PRKCZ: variants seen among roughly 807,000 people sequenced by gnomAD.
The protein encoded by PRKCZ is protein kinase C zeta type.
A neutral mutation model predicts 79.5 loss-of-function variants in PRKCZ; 33 were observed. The ratio of observed to expected loss-of-function variants is 0.41; its 90% CI spans 0.31 to 0.55. PRKCZ has a LOEUF of 0.55. Ranked by LOEUF, PRKCZ falls within the 20% of genes least tolerant of loss-of-function variation. PRKCZ has a pLI of 0.19. For synonymous variants in PRKCZ, 342 were observed against 320.9 expected, an observed-to-expected ratio of 1.07 and a Z score of -0.70; for missense variants, 578 against 813.5, an observed-to-expected ratio of 0.71 and a Z score of 3.52.
upstream of PRKCZ, among the ~76,000 whole-genome samples, chr1:2,048,841 A>T (rs1166647815): frequency 2.0e-5 from 3 of 152,214 alleles, no homozygotes; most frequent in Non-Finnish European, 4.4e-5. Flanking sequence ...GAGCCTTCCC[A>T]GGAGGGGTCT....
At chr1:2,049,331 G>C (rs904011877), upstream of PRKCZ, 1 of 152,300 alleles carries the variant, frequency 6.6e-6, no homozygotes, top group Non-Finnish European at 1.5e-5. Context: ...GGTGGAGGGA[G>C]GGGCAAACGG....
At chr1:2,121,436 T>G (rs188906040) in intron 4 of PRKCZ, among the ~76,000 whole-genome samples, 2 of 139,122 alleles carry the variant, frequency 1.4e-5, no homozygotes, top group Non-Finnish European at 3.2e-5. Flanking sequence ...TGACAGGTAG[T>G]TAGAGTCATG....
chr1:2,182,309 C>G (rs1686755366), intron 16 of PRKCZ: 1 of 169,032 alleles, frequency 5.9e-6, no homozygotes, highest in African/African-American at 2.4e-5. Context: ...CTGCATTTTC[C>G]TGCCAAGCAG....
chr1:2,112,191 A>G (rs1669874150), intron 4 of PRKCZ, among the ~76,000 whole-genome samples: 1 of 152,138 alleles, frequency 6.6e-6, no homozygotes, highest in African/African-American at 2.4e-5. Flanking sequence ...TCTGCCTAGA[A>G]GGCAAAAAAC....
At position 2,059,330 on chromosome 1, in the gene PRKCZ, C is replaced by CT. The variant is rs751597858; in HGVS notation, c.284-210dup. Among the ~76,000 whole-genome samples, 8 of 152,236 alleles carry CT rather than the reference C, an allele frequency of 5.3e-5. No homozygotes were observed. The East Asian group carries it at 7.7e-4, about 15-fold the overall frequency. ...CAGGTCCCTCTGATTGCCTTTTACT[C>CT]TAAGTTTTTCCGTGGGTTTTAAAGT... is the stretch of plus-strand genomic sequence containing the variant. On this transcript the variant is annotated intron_variant, in intron 3 of 17. Coordinates refer to ENST00000378567, the MANE Select transcript of PRKCZ (RefSeq NM_002744.6).
chr1:2,091,030 A>G (rs1665405905), intron 4 of PRKCZ, among the ~76,000 whole-genome samples: 1 of 152,080 alleles, frequency 6.6e-6, no homozygotes, highest in Non-Finnish European at 1.5e-5. Context: ...GGCCCACTGT[A>G]GTTCTTGTTT....
At chr1:2,089,823 C>T (rs1183873821) in intron 4 of PRKCZ, among the ~76,000 whole-genome samples, 3 of 152,132 alleles carry the variant, frequency 2.0e-5, no homozygotes, top group African/African-American at 4.8e-5. Context: ...CCAGCTACTC[C>T]GGAGGCTGCG....
chr1:2,052,212 C>T (rs571431815), intron 1 of PRKCZ, among the ~76,000 whole-genome samples: 3 of 152,284 alleles, frequency 2.0e-5, no homozygotes, highest in South Asian at 4.1e-4. Flanking sequence ...TGCATTCCGG[C>T]GTCCAATTCC....
chr1:2,138,027 C>T (rs960208749), intron 5 of PRKCZ, among the ~76,000 whole-genome samples: 5 of 152,198 alleles, frequency 3.3e-5, no homozygotes, highest in African/African-American at 7.2e-5. Context: ...GCTCTGATCT[C>T]GCCACCTGCT....
intron 4 of PRKCZ, among the ~76,000 whole-genome samples, chr1:2,077,249 T>C (rs28652946): frequency 0.19 from 29,095 of 152,216 alleles, 3,645 homozygotes; most frequent in East Asian, 0.61. Flanking sequence ...GATGTTATTT[T>C]GAAATAGGGG....
intron 4 of PRKCZ, among the ~76,000 whole-genome samples, chr1:2,070,289 C>A (rs1661461841): frequency 6.6e-6 from 1 of 152,176 alleles, no homozygotes; most frequent in South Asian, 2.1e-4. Flanking sequence ...TAGCAGGCAG[C>A]CCCACCCCAC....
intron 4 of PRKCZ, among the ~76,000 whole-genome samples, chr1:2,124,086 C>T (rs1255502437): frequency 4.8e-4 from 1 of 2,066 alleles, no homozygotes; most frequent in Non-Finnish European, 6.8e-4. Context: ...GTCACGGCGG[C>T]GGTTAGGGTC....
At chr1:2,121,039 C>G (rs1025496854) in intron 4 of PRKCZ, among the ~76,000 whole-genome samples, 4 of 152,056 alleles carry the variant, frequency 2.6e-5, no homozygotes, top group African/African-American at 9.7e-5. Context: ...GTCTCGAACT[C>G]CTGACCTTGG....
chr1:2,108,374 G>A (rs534222558), intron 4 of PRKCZ, among the ~76,000 whole-genome samples: 10 of 152,226 alleles, frequency 6.6e-5, no homozygotes, highest in Non-Finnish European at 1.3e-4. Context: ...ATTGACCTCC[G>A]TGGCTCCTGG....
At chr1:2,184,846 T>G (rs933047502) in intron 17 of PRKCZ, 76 bp from the exon 18 acceptor site, 1 of 1,437,976 alleles carries the variant, frequency 7.0e-7, no homozygotes, top group Non-Finnish European at 9.6e-7. Context: ...AGGATTCTTA[T>G]GCGAACGTGA....
chr1:2,181,729 T>A (rs1686652516), intron 16 of PRKCZ: 1 of 445,748 alleles, frequency 2.2e-6, no homozygotes, highest in Admixed American at 2.4e-5. Context: ...TGGGTCCTGC[T>A]CTGTTCCCAC....
In PRKCZ at chr1:2,115,388, G is replaced by A. The variant is rs574342616; in HGVS notation, c.335-19874G>A. ...GGGCACACCCAGGAGTGGAGTTTCC[G>A]GGAAACAGACGTTTCCCTCGCGTGG... On this transcript the variant is annotated intron_variant, in intron 4 of 17. Transcript: ENST00000378567. 2.6e-5 allele frequency among the ~76,000 whole-genome samples: 4 copies of A among 152,348 alleles called. No individual in the cohort carries two copies. The South Asian group carries it at 6.2e-4, about 24-fold the overall frequency.
In PRKCZ at chr1:2,174,120, GC is replaced by G; in HGVS notation, c.1405+106del. ...TCCCGCGGGTGCCTGGAGCGGCAGT[GC>G]CATGCAAAGCGTACCGGGAACCATT... On this transcript the variant is annotated intron_variant, in intron 14 of 17. Coordinates refer to ENST00000378567, the MANE Select transcript of PRKCZ (RefSeq NM_002744.6). The surrounding 1 kb of genome is among the most constrained non-coding windows in gnomAD (Gnocchi z 6.2). 1 of 1,368,262 alleles carries G rather than the reference GC, an allele frequency of 7.3e-7. No individual in the cohort carries two copies. 84.8% of individuals were successfully genotyped at this position (1,368,262 alleles called of 1,614,324 possible).
In PRKCZ at chr1:2,127,396, C is replaced by T. The variant is rs900486492; in HGVS notation, c.335-7866C>T. 6.9e-6 allele frequency among the ~76,000 whole-genome samples: 1 copy of T among 145,710 alleles called. No homozygotes were observed. Among genetic ancestry groups the T allele is most frequent in the African/African-American group, 2.8e-5 (1 of 35,626 alleles). ...GATGGAGGGGCTGCACCTCCACTGCCCCCCCCACCGCCGCCCCTGCCCCAC... is the reference window on the plus strand; with the variant it reads ...GATGGAGGGGCTGCACCTCCACTGCTCCCCCCACCGCCGCCCCTGCCCCAC... On this transcript the variant is annotated intron_variant, in intron 4 of 17. Coordinates refer to ENST00000378567, the MANE Select transcript of PRKCZ (RefSeq NM_002744.6). This position sits in a 1 kb window ranked among gnomAD's most constrained non-coding sequence, Gnocchi z 5.1.
Sources: allele counts gnomAD v4.1 joint callset (sites outside exome capture counted in the v4.1 genomes callset), GRCh38; gene constraint gnomAD v4.1.1; non-coding constraint Gnocchi (gnomAD v3.1); transcripts MANE v1.5; gene names NCBI Gene and HGNC (gene_info 2026-07-23, HGNC 2026-07-21).